The following COL4A4 variants were observed in gnomAD, a reference collection of about 807,000 sequenced individuals.
COL4A4 encodes the protein collagen alpha-4(IV) chain.
In COL4A4, 105 loss-of-function variants were observed where a neutral mutation model predicts 192.9. The observed-to-expected ratio is 0.54, with a 90% CI of 0.46 to 0.64. COL4A4 has a LOEUF of 0.64. Ranked by LOEUF, COL4A4 falls within the 30% of genes least tolerant of loss-of-function variation. The pLI is 0.00. For missense variants in COL4A4, 1,967 were observed against 2,169.3 expected, an observed-to-expected ratio of 0.91 and a Z score of 1.85; for synonymous variants, 762 against 769.9, an observed-to-expected ratio of 0.99 and a Z score of 0.17.
chr2:227,033,798 T>G (rs979675047), intron 37 of COL4A4, among the ~76,000 whole-genome samples: 2 of 152,210 alleles, frequency 1.3e-5, no homozygotes, highest in African/African-American at 4.8e-5. Context: ...ACCTTTGATT[T>G]TATGACAATA....
the COL4A4 span, among the ~76,000 whole-genome samples, chr2:226,972,118 A>G: frequency 2.6e-5 from 4 of 151,286 alleles, no homozygotes; most frequent in Non-Finnish European, 5.9e-5. Flanking sequence ...GTGCTGTTCC[A>G]CTCCCTGTAT....
At chr2:227,062,943 T>C (rs1017987791) in intron 25 of COL4A4, among the ~76,000 whole-genome samples, 1 of 152,194 alleles carries the variant, frequency 6.6e-6, no homozygotes, top group Non-Finnish European at 1.5e-5. Context: ...AATAATGTAA[T>C]GGAGATCTAT....
At chr2:227,045,838 A>ATG (rs1491569555) in intron 35 of COL4A4, among the ~76,000 whole-genome samples, 1 of 84,572 alleles carries the variant, frequency 1.2e-5, no homozygotes, top group Admixed American at 1.3e-4. Context: ...ATATACACAC[A>ATG]TATATATATA....
chr2:227,080,339 T>C, intron 24 of COL4A4, 104 bp downstream of exon 24: 1 of 1,035,370 alleles, frequency 9.7e-7, no homozygotes, highest in Non-Finnish European at 1.5e-6. Context: ...AGTATGTTGA[T>C]ATTTTACTGA....
At chr2:227,095,406 A>G (rs1303319197) in intron 19 of COL4A4, among the ~76,000 whole-genome samples, 2 of 152,180 alleles carry the variant, frequency 1.3e-5, no homozygotes, top group Non-Finnish European at 2.9e-5. Context: ...CATTCTGTAT[A>G]TATACCTCCA....
At chr2:227,101,374 A>C (rs2060512976) in intron 17 of COL4A4, 130 bp downstream of exon 17, 10 of 785,946 alleles carry the variant, frequency 1.3e-5, no homozygotes, top group Non-Finnish European at 2.0e-5. Context: ...CAATTGAATA[A>C]AAAATTAACT....
intron 4 of COL4A4, among the ~76,000 whole-genome samples, chr2:227,122,840 G>A (rs1179975359): frequency 5.3e-5 from 8 of 151,990 alleles, no homozygotes; most frequent in East Asian, 1.9e-4. Flanking sequence ...CACACTTGGG[G>A]TGTCACTTTG....
chr2:227,045,886 A>ATATG (rs2150129507), intron 35 of COL4A4, among the ~76,000 whole-genome samples: 1 of 109,132 alleles, frequency 9.2e-6, no homozygotes, highest in Non-Finnish European at 1.9e-5. Flanking sequence ...ATATATATGT[A>ATATG]TATATATTTA....
Position 227,003,744 on chromosome 2 carries a change from C to T in COL4A4, c.*3581G>A, listed in dbSNP as rs1290420079. On this transcript the variant is annotated 3_prime_UTR_variant, in exon 48 of 48. Transcript: ENST00000396625. Reference sequence around the variant, plus strand: ...TTAAATCCTGAGGGAATACAGATTACAGCATAAGGTAAGTCATGTCACATT... The same window carrying T: ...TTAAATCCTGAGGGAATACAGATTATAGCATAAGGTAAGTCATGTCACATT... 6.6e-6 allele frequency: 1 copy of T among 152,176 alleles called. No individual in the cohort carries two copies. Among genetic ancestry groups the T allele is most frequent in the Non-Finnish European group, 1.5e-5 (1 of 68,036 alleles). 9.4% of individuals were successfully genotyped at this position (152,176 alleles called of 1,614,324 possible).
chr2:227,045,823 T>G, intron 35 of COL4A4, among the ~76,000 whole-genome samples: 1 of 50,396 alleles, frequency 2.0e-5, no homozygotes, highest in Non-Finnish European at 3.4e-5. Flanking sequence ...TATACACATA[T>G]ATATATATAC....
rs1296442409 is a variant in COL4A4 at position 227,045,856 on chromosome 2, A to ATG, written c.3289+1618_3289+1619insCA. ...TACACACATATATATATACACATAT[A>ATG]TATATACACATATATATACATATAT... On this transcript the variant is annotated intron_variant, in intron 35 of 47. Transcript: ENST00000396625. Among the ~76,000 whole-genome samples the ATG allele has an allele frequency of 4.3e-4, 37 of 87,002 alleles. 3 individuals are homozygous for ATG. The highest frequency in any genetic ancestry group is 1.3e-3 in the South Asian group (3 of 2,282). 57.1% of individuals were successfully genotyped at this position (87,002 alleles called of 152,430 possible).
intron 8 of COL4A4, among the ~76,000 whole-genome samples, chr2:227,113,376 C>T (rs73993633): frequency 1.3e-5 from 2 of 151,942 alleles, no homozygotes; most frequent in Non-Finnish European, 2.9e-5. Context: ...ATATTCATCC[C>T]CCTTCTATAT....
chr2:227,118,555 T>C, intron 7 of COL4A4, 90 bp downstream of exon 7: 2 of 1,002,408 alleles, frequency 2.0e-6, no homozygotes, highest in Non-Finnish European at 1.6e-6. Context: ...CACACTTGTA[T>C]TAACTCTGTT....
intron 12 of COL4A4, among the ~76,000 whole-genome samples, chr2:227,108,002 C>T (rs1346299254): frequency 2.0e-5 from 3 of 152,032 alleles, no homozygotes; most frequent in Non-Finnish European, 2.9e-5. Flanking sequence ...ATGATCCACC[C>T]GCCTCAGCCT....
rs949977701 is a variant in COL4A4, at chr2:227,140,200, A to G, written c.153T>C (p.Asp51=). The G allele has an allele frequency of 1.9e-6, 3 of 1,614,130 alleles. No individual in the cohort carries two copies. The African/African-American group carries it at 4.0e-5, about 22-fold the overall frequency. ...KKYIGPCGGR[D]CSVCHCVPEK... Reference sequence around the variant, plus strand: ...CAGGAACACAGTGGCAAACAGAGCAATCTCTTCCTCCACAAGGACCAATGT... The same window carrying G: ...CAGGAACACAGTGGCAAACAGAGCAGTCTCTTCCTCCACAAGGACCAATGT... Residue 51 remains aspartate (D), a synonymous_variant, in exon 4 of 48, where the codon GAT becomes GAC. Coordinates refer to ENST00000396625, the MANE Select transcript of COL4A4 (RefSeq NM_000092.5).
chr2:227,120,884 A>C lies in COL4A4; in HGVS notation c.327+130T>G, dbSNP rs530897108. The C allele has an allele frequency of 2.3e-4, 283 of 1,220,378 alleles. 6 individuals carry two copies. In the South Asian group the frequency reaches 3.7e-3, roughly 16 times the overall value. The allele number at this position is 1,220,378 out of a possible 1,614,324, so 75.6% of individuals were successfully genotyped here. A position where few individuals can be genotyped will look rare whatever the true frequency, so the allele number is the denominator to read the frequency against. On this transcript the variant is annotated intron_variant, in intron 5 of 47. Transcript: ENST00000396625. The stretch of plus-strand genomic sequence containing the variant: ...AACCTGGGAGGCGAAGGCTGCAGTG[A>C]GCTGAGATCCCACCACTGCATTCTA...
chr2:227,114,590 GA>G (rs1157343161), intron 8 of COL4A4, 37 bp downstream of exon 8: 3 of 1,564,432 alleles, frequency 1.9e-6, no homozygotes, highest in East Asian at 4.5e-5. Context: ...CTATTTGGAA[GA>G]AAAAATTTTT....
At chr2:227,029,257 C>G (rs547603264) in intron 41 of COL4A4, among the ~76,000 whole-genome samples, 1 of 152,296 alleles carries the variant, frequency 6.6e-6, no homozygotes, top group South Asian at 2.1e-4. Flanking sequence ...GAGATTTATT[C>G]CCTAGAGTAA....
chr2:227,101,186 C>T (rs1412078604), intron 17 of COL4A4, among the ~76,000 whole-genome samples: 2 of 152,226 alleles, frequency 1.3e-5, no homozygotes, highest in Non-Finnish European at 1.5e-5. Flanking sequence ...CCTGTACAAA[C>T]TCTCTCTTTG....
Sources: gnomAD v4.1 joint callset for allele counts (sites outside exome capture counted in the v4.1 genomes callset) on GRCh38, gnomAD v4.1.1 for gene constraint, MANE v1.5 for transcripts, NCBI Gene and HGNC (gene_info 2026-07-23, HGNC 2026-07-21) for gene names.